The following TENM3 variants were observed in gnomAD, a reference collection of about 807,000 sequenced individuals.
The protein encoded by TENM3 is teneurin transmembrane protein 3.
In TENM3, 63 loss-of-function variants were observed where a neutral mutation model predicts 255.1. The ratio of observed to expected loss-of-function variants is 0.25; its 90% CI spans 0.20 to 0.30. The LOEUF (loss-of-function observed/expected upper bound fraction) is 0.30, where lower values mean the gene tolerates loss of function less well. Ranked by LOEUF, TENM3 falls within the 10% of genes least tolerant of loss-of-function variation. The pLI is 1.00. For synonymous variants in TENM3, 1,306 were observed against 1,322.3 expected (o/e 0.99, Z 0.27); for missense variants, 2,929 against 3,461.1 (o/e 0.85, Z 3.86).
At chr4:181,593,417 A>C in the TENM3 span, among the ~76,000 whole-genome samples, 3 of 152,186 alleles carry the variant, frequency 2.0e-5, no homozygotes, top group African/African-American at 7.2e-5. Context: ...AGCCTCCATC[A>C]GCTTTCTAGA....
intron 16 of TENM3, among the ~76,000 whole-genome samples, chr4:182,736,607 T>C (rs531121511): frequency 6.6e-6 from 1 of 152,360 alleles, no homozygotes; most frequent in Non-Finnish European, 1.5e-5. Flanking sequence ...CTCAAATGCA[T>C]ATTTGTGAAT....
At chr4:182,732,000 C>T (rs979004292) in intron 16 of TENM3, among the ~76,000 whole-genome samples, 8 of 151,956 alleles carry the variant, frequency 5.3e-5, no homozygotes, top group African/African-American at 1.9e-4. Flanking sequence ...CCAGGATGGT[C>T]TCCATCTCCT....
chr4:182,015,181 G>A, the TENM3 span, among the ~76,000 whole-genome samples: 1 of 152,172 alleles, frequency 6.6e-6, no homozygotes, highest in Non-Finnish European at 1.5e-5. Context: ...CGGATGGCAG[G>A]ATCTGCCTCG....
chr4:181,535,241 G>C, the TENM3 span, among the ~76,000 whole-genome samples: 1 of 152,152 alleles, frequency 6.6e-6, no homozygotes, highest in African/African-American at 2.4e-5. Context: ...TGACCTTCCT[G>C]GGAGTAGGGA....
At chr4:181,767,377 A>G in the TENM3 span, among the ~76,000 whole-genome samples, 2 of 152,164 alleles carry the variant, frequency 1.3e-5, no homozygotes, top group Admixed American at 1.3e-4. Flanking sequence ...AGTAATAACA[A>G]AGGGAGAATA....
At chr4:182,731,187 C>A in intron 16 of TENM3, 48 bp downstream of exon 16, 2 of 1,574,626 alleles carry the variant, frequency 1.3e-6, no homozygotes, top group South Asian at 1.1e-5. Flanking sequence ...ATCTTCAGAT[C>A]ATGTTTTGCC....
intron 3 of TENM3, among the ~76,000 whole-genome samples, chr4:182,525,839 A>G (rs1268487409): frequency 6.6e-6 from 1 of 152,256 alleles, no homozygotes; most frequent in Non-Finnish European, 1.5e-5. Flanking sequence ...TCTGATAAGT[A>G]ATATGGAAAT....
At chr4:182,008,742 T>C in the TENM3 span, among the ~76,000 whole-genome samples, 1 of 152,096 alleles carries the variant, frequency 6.6e-6, no homozygotes, top group Non-Finnish European at 1.5e-5. Context: ...GTCCATCTGA[T>C]CCTCCAGTTC....
intron 3 of TENM3, among the ~76,000 whole-genome samples, chr4:182,479,751 T>A (rs960708382): frequency 6.6e-6 from 1 of 152,018 alleles, no homozygotes; most frequent in Non-Finnish European, 1.5e-5. Flanking sequence ...TGGAGAATTC[T>A]ACGTAACTTC....
intron 1 of TENM3, among the ~76,000 whole-genome samples, chr4:182,274,828 A>G (rs761358462): frequency 1.3e-5 from 2 of 151,952 alleles, no homozygotes; most frequent in Admixed American, 1.3e-4. Flanking sequence ...AGTATTTATT[A>G]TTATTATTAT....
At chr4:182,252,273 ACTTT>A (rs1262318722) in intron 1 of TENM3, among the ~76,000 whole-genome samples, 1 of 152,098 alleles carries the variant, frequency 6.6e-6, no homozygotes, top group African/African-American at 2.4e-5. Context: ...TATACACACG[ACTTT>A]CTTTCATTAT....
At chr4:182,505,966 ATAAACT>A (rs1272814020) in intron 3 of TENM3, among the ~76,000 whole-genome samples, 1 of 152,240 alleles carries the variant, frequency 6.6e-6, no homozygotes, top group Non-Finnish European at 1.5e-5. Flanking sequence ...TGAGTGTGAA[ATAAACT>A]TAAAAGAGGA....
chr4:181,895,228 A>C, the TENM3 span, among the ~76,000 whole-genome samples: 1 of 152,170 alleles, frequency 6.6e-6, no homozygotes, highest in East Asian at 1.9e-4. Flanking sequence ...GTATTGTGTA[A>C]GTATGTGTCT....
At chr4:182,796,562 TTAAGG>T in intron 26 of TENM3, 70 bp from the exon 27 acceptor site, 2 of 1,341,750 alleles carry the variant, frequency 1.5e-6, no homozygotes, top group Non-Finnish European at 2.0e-6. Flanking sequence ...GATTTTCTTT[TTAAGG>T]TAAGAATTTA....
At chr4:182,680,124 G>GA (rs1359588515) in intron 8 of TENM3, 124 bp from the exon 9 acceptor site, 1 of 775,198 alleles carries the variant, frequency 1.3e-6, no homozygotes, top group African/African-American at 1.7e-5. Flanking sequence ...ATCTGCATTT[G>GA]AAGTGACAGT....
intron 1 of TENM3, among the ~76,000 whole-genome samples, chr4:182,158,556 A>G (rs567217947): frequency 7.2e-5 from 11 of 152,298 alleles, no homozygotes; most frequent in African/African-American, 2.6e-4. Flanking sequence ...TTCAGTTTAC[A>G]GTACACTTCT....
chr4:181,959,791 T>A, the TENM3 span, among the ~76,000 whole-genome samples: 19 of 152,198 alleles, frequency 1.2e-4, no homozygotes, highest in African/African-American at 3.9e-4. Context: ...TAGAAATATA[T>A]GGAGTTTTGG....
chr4:181,781,050 T>C, the TENM3 span, among the ~76,000 whole-genome samples: 3 of 152,188 alleles, frequency 2.0e-5, no homozygotes, highest in Non-Finnish European at 4.4e-5. Context: ...TGAAGTCAGG[T>C]AGCATGATGC....
At chr4:182,138,536 C>A in the TENM3 span, among the ~76,000 whole-genome samples, 27 of 152,192 alleles carry the variant, frequency 1.8e-4, no homozygotes, top group Non-Finnish European at 3.1e-4. Context: ...CAGACAGGAA[C>A]AAACAAAGAT....
Sources: allele counts gnomAD v4.1 joint callset (sites outside exome capture counted in the v4.1 genomes callset), GRCh38; gene constraint gnomAD v4.1.1; transcripts MANE v1.5; gene names NCBI Gene and HGNC (gene_info 2026-07-23, HGNC 2026-07-21).